RPL21: variants seen among roughly 807,000 people sequenced by gnomAD.
RPL21 encodes ribosomal protein L21, also known as large ribosomal subunit protein eL21.
RPL21 carries 1 observed loss-of-function variant against 21.2 expected under a neutral mutation model. The ratio of observed to expected loss-of-function variants is 0.05; its 90% CI spans 0.02 to 0.22. The LOEUF (loss-of-function observed/expected upper bound fraction) is 0.22. Among genes scored for constraint, RPL21 ranks in the 10% least tolerant of loss-of-function variants. The probability of loss-of-function intolerance (pLI) is 1.00; values close to 1 mark genes in which losing one functional copy is unlikely to be tolerated. For missense variants in RPL21, 113 were observed against 199.4 expected (o/e 0.57, Z 2.61); for synonymous variants, 52 against 62.9 (o/e 0.83, Z 0.82).
chr13:27,256,391 A>G (rs1026020638), intron 5 of RPL21, 45 bp from the exon 6 acceptor site: 1 of 1,568,208 alleles, frequency 6.4e-7, no homozygotes, highest in Non-Finnish European at 8.8e-7. Context: ...TTGAGATTTA[A>G]CACATCACAT....
At position 27,255,972 on chromosome 13, in the gene RPL21, CAA is replaced by C. The variant is rs1881884771; in HGVS notation, c.243-210_243-209del. The stretch of plus-strand genomic sequence containing the variant: ...AGAGTTTAAGAGACCATCATCTCAT[CAA>C]AGAGAGTTAAAAGTAGGGATGTTCT... On this transcript the variant is annotated intron_variant, in intron 4 of 5. Transcript: ENST00000311549. 5 of 551,018 alleles carry C rather than the reference CAA, an allele frequency of 9.1e-6. No individual in the cohort carries two copies. The South Asian group carries it at 1.1e-4, about 12-fold the overall frequency. The allele number at this position is 551,018 out of a possible 1,614,324, so 34.1% of individuals were successfully genotyped here. A position where few individuals can be genotyped will look rare whatever the true frequency, so the allele number is the denominator to read the frequency against.
In RPL21 at chr13:27,256,171, C is replaced by A; in HGVS notation, c.243-13C>A. 1 of 1,581,292 alleles carries A rather than the reference C, an allele frequency of 6.3e-7. No homozygotes were observed. The highest frequency in any genetic ancestry group is 8.6e-7 in the Non-Finnish European group (1 of 1,159,736). On this transcript the variant is annotated splice_polypyrimidine_tract_variant and intron_variant, in intron 4 of 5. Transcript: ENST00000311549. ...TTTGTTAAAGCACTTAAAAGAATTT[C>A]TGCTCTGTCCAGGGGCAAGATTCTT...
intron 1 of RPL21, among the ~76,000 whole-genome samples, chr13:27,253,348 A>G (rs1228311882): frequency 1.3e-5 from 2 of 152,248 alleles, no homozygotes; most frequent in Non-Finnish European, 2.9e-5. Context: ...TTGGTTGACA[A>G]GAAAGGTTTA....
intron 2 of RPL21, 70 bp downstream of exon 2, chr13:27,253,913 G>A: frequency 1.1e-6 from 1 of 894,124 alleles, no homozygotes; most frequent in Non-Finnish European, 1.9e-6. Context: ...AACATGTGTT[G>A]TAGTTCATAG....
At chr13:27,253,465 G>A (rs908953189) in intron 1 of RPL21, among the ~76,000 whole-genome samples, 6 of 152,252 alleles carry the variant, frequency 3.9e-5, no homozygotes, top group African/African-American at 1.4e-4. Flanking sequence ...CAGATAGAGT[G>A]TGGTAGAAGT....
intron 1 of RPL21, among the ~76,000 whole-genome samples, chr13:27,253,470 A>G (rs940386654): frequency 1.7e-4 from 26 of 152,370 alleles, no homozygotes; most frequent in Admixed American, 1.7e-3. Flanking sequence ...AGAGTGTGGT[A>G]GAAGTCCTGT....
Position 27,256,528 on chromosome 13 carries a change from G to C in RPL21, c.*3G>C, listed in dbSNP as rs1365214912. On this transcript the variant is annotated 3_prime_UTR_variant, in exon 6 of 6. Transcript: ENST00000311549. ...TTCCCTATGAATTCATGGCATAATA[G>C]GTGTTAAAAAAAAAAATAAAGGACC... 2.5e-6 allele frequency: 3 copies of C among 1,217,280 alleles called. No homozygotes were observed. The highest frequency in any genetic ancestry group is 1.2e-5 in the South Asian group (1 of 82,562). The allele number at this position is 1,217,280 out of a possible 1,614,324, so 75.4% of individuals were successfully genotyped here.
At position 27,256,448 on chromosome 13, in the gene RPL21, A is replaced by C; in HGVS notation, c.406A>C (p.Arg136=). ...TTTCCTTTAATAGCCTGCTCCACCCAGAGAAGCACACTTTGTGAGAACCAA... is the reference window on the plus strand; with the variant it reads ...TTTCCTTTAATAGCCTGCTCCACCCCGAGAAGCACACTTTGTGAGAACCAA... The part of the protein sequence containing the change: ...VQLKRQPAPP[R]EAHFVRTNGK... The change falls in exon 6 of 6, where the codon AGA becomes CGA. Residue 136 remains arginine (R), a synonymous_variant. Transcript: ENST00000311549. 6.3e-7 allele frequency: 1 copy of C among 1,580,236 alleles called. No individual in the cohort carries two copies. Among genetic ancestry groups the C allele is most frequent in the Non-Finnish European group, 8.7e-7 (1 of 1,149,424 alleles).
At position 27,254,242 on chromosome 13, in the gene RPL21, T is replaced by C. The variant is rs371046119; in HGVS notation, c.90T>C (p.Tyr30=). ...RKHGVVPLAT[Y]MRIYKKGDIV... ...TAGGAGTTGTTCCTTTGGCCACATA[T>C]ATGCGAATCTATAAGAAAGGTGATA... The change falls in exon 3 of 6, where the codon TAT becomes TAC. Residue 30 remains tyrosine, a synonymous_variant. Transcript: ENST00000311549. 69 of 1,599,660 alleles carry C rather than the reference T, an allele frequency of 4.3e-5. No homozygotes were observed. Among genetic ancestry groups the C allele is most frequent in the Non-Finnish European group, 5.7e-5 (66 of 1,167,010 alleles).
intron 4 of RPL21, chr13:27,255,645 C>T: frequency 2.1e-6 from 1 of 477,210 alleles, no homozygotes; most frequent in Non-Finnish European, 4.0e-6. Flanking sequence ...GATCTCTGCT[C>T]TCTGCAAGCT....
chr13:27,254,969 A>G, intron 3 of RPL21: 2 of 585,770 alleles, frequency 3.4e-6, no homozygotes, highest in Non-Finnish European at 6.3e-6. Flanking sequence ...GCAAAGTTTA[A>G]TTATTGATGA....
intron 2 of RPL21, 102 bp downstream of exon 2, chr13:27,253,945 A>G (rs1881766594): frequency 2.5e-6 from 2 of 791,194 alleles, no homozygotes; most frequent in Non-Finnish European, 4.5e-6. Flanking sequence ...ATAGAATTAA[A>G]TAACTAGCGT....
At chr13:27,254,677 T>C (rs2137910325) in intron 3 of RPL21, among the ~76,000 whole-genome samples, 1 of 151,770 alleles carries the variant, frequency 6.6e-6, no homozygotes, top group Non-Finnish European at 1.5e-5. Context: ...GCATGCACCA[T>C]GATTCCTGGC....
At position 27,256,177 on chromosome 13, in the gene RPL21, T is replaced by C; in HGVS notation, c.243-7T>C. 6.3e-7 allele frequency: 1 copy of C among 1,587,444 alleles called. No individual in the cohort carries two copies. Among genetic ancestry groups the C allele is most frequent in the Non-Finnish European group, 8.6e-7 (1 of 1,164,042 alleles). On this transcript the variant is annotated splice_region_variant and splice_polypyrimidine_tract_variant and intron_variant, in intron 4 of 5. Transcript: ENST00000311549. ...AAAGCACTTAAAAGAATTTCTGCTCTGTCCAGGGGCAAGATTCTTGCCAAG... is the reference window on the plus strand; with the variant it reads ...AAAGCACTTAAAAGAATTTCTGCTCCGTCCAGGGGCAAGATTCTTGCCAAG...
Position 27,256,165 on chromosome 13 carries a change from G to A in RPL21, c.243-19G>A, listed in dbSNP as rs192564082. On this transcript the variant is annotated intron_variant, in intron 4 of 5. Coordinates refer to ENST00000311549, the MANE Select transcript of RPL21 (RefSeq NM_000982.4). The stretch of plus-strand genomic sequence containing the variant: ...TATATTTTTGTTAAAGCACTTAAAA[G>A]AATTTCTGCTCTGTCCAGGGGCAAG... 7 of 1,575,088 alleles carry A rather than the reference G, an allele frequency of 4.4e-6. No individual in the cohort carries two copies. In the East Asian group the frequency reaches 1.6e-4, roughly 36 times the overall value.
At position 27,256,074 on chromosome 13, in the gene RPL21, T is replaced by C. The variant is rs943733072; in HGVS notation, c.243-110T>C. 9.7e-6 allele frequency: 8 copies of C among 824,288 alleles called. No homozygotes were observed. In the East Asian group the frequency reaches 2.1e-4, roughly 22 times the overall value. 51.1% of individuals were successfully genotyped at this position (824,288 alleles called of 1,614,324 possible). On this transcript the variant is annotated intron_variant, in intron 4 of 5. Transcript: ENST00000311549. Reference sequence around the variant, plus strand: ...AGGCATACTTTGTTGATTTGTCATATCTGGGTAAAAGGTTTATGGTTTATT... The same window carrying C: ...AGGCATACTTTGTTGATTTGTCATACCTGGGTAAAAGGTTTATGGTTTATT...
In RPL21 at chr13:27,253,897, G is replaced by A. The variant is rs936010832; in HGVS notation, c.67+54G>A. The A allele has an allele frequency of 3.0e-6, 3 of 1,008,928 alleles. No individual in the cohort carries two copies. The African/African-American group carries it at 4.7e-5, about 16-fold the overall frequency. 62.5% of individuals were successfully genotyped at this position (1,008,928 alleles called of 1,614,324 possible). On this transcript the variant is annotated intron_variant, in intron 2 of 5. Transcript: ENST00000311549. ...GCATGGCACACATTTGTGTTCTGTTGTGTTCAACATGTGTTGTAGTTCATA... is the reference window on the plus strand; with the variant it reads ...GCATGGCACACATTTGTGTTCTGTTATGTTCAACATGTGTTGTAGTTCATA...
chr13:27,255,317 C>G lies in RPL21; in HGVS notation c.205C>G (p.Gln69Glu), dbSNP rs200767103. The G allele has an allele frequency of 1.4e-6, 2 of 1,469,216 alleles. No individual in the cohort carries two copies. Among genetic ancestry groups the G allele is most frequent in the East Asian group, 4.5e-5 (2 of 44,216 alleles). The allele number at this position is 1,469,216 out of a possible 1,614,324, so 91.0% of individuals were successfully genotyped here. ...GKTGRVYNVT[Q>E]HAVGIVVNKQ... ...AACTGGAAGAGTCTACAATGTTACC[C>G]AGCATGCTGTTGGCATTGTTGTAAA... The change falls in exon 4 of 6, where the codon CAG becomes GAG. Residue 69 changes from glutamine (Q) to glutamate (E), a missense_variant. Transcript: ENST00000311549.
intron 1 of RPL21, chr13:27,251,817 C>T (rs536944991): frequency 6.6e-6 from 1 of 152,496 alleles, no homozygotes; most frequent in African/African-American, 2.4e-5. Flanking sequence ...TGCGGGGGGA[C>T]ATTTGCGAGA....
Sources: gnomAD v4.1 joint callset for allele counts (sites outside exome capture counted in the v4.1 genomes callset) on GRCh38, gnomAD v4.1.1 for gene constraint, MANE v1.5 for transcripts, NCBI Gene and HGNC (gene_info 2026-07-23, HGNC 2026-07-21) for gene names.